The following HSPA9 variants were observed in gnomAD, a reference collection of about 807,000 sequenced individuals.
HSPA9 encodes stress-70 protein, mitochondrial.
In HSPA9, 28 loss-of-function variants were observed where a neutral mutation model predicts 81.5. That is an observed-to-expected ratio of 0.34 (90% CI 0.25 to 0.47). The LOEUF (loss-of-function observed/expected upper bound fraction) is 0.47. HSPA9 is among the 20% of genes least tolerant of loss of function. HSPA9 has a pLI of 1.00. For synonymous variants in HSPA9, 293 were observed against 290.4 expected (o/e 1.01, Z -0.09); for missense variants, 678 against 838.0 (o/e 0.81, Z 2.36).
intron 9 of HSPA9, among the ~76,000 whole-genome samples, chr5:138,562,077 TAC>T (rs1165386228): frequency 1.1e-4 from 17 of 151,788 alleles, no homozygotes; most frequent in Non-Finnish European, 1.9e-4. Context: ...TAGCTGGGAC[TAC>T]AGGCATGTGC....
rs1561860003 is a variant in HSPA9, at chr5:138,566,991, G to T, written c.879+10C>A. On this transcript the variant is annotated intron_variant, in intron 8 of 16. Transcript: ENST00000297185. ...CCAACGTCTACATATTAACCACATT[G>T]GTAACTCACCTCTCTCTTGAACTCC... 6.2e-7 allele frequency: 1 copy of T among 1,611,214 alleles called. No homozygotes were observed. The highest frequency in any genetic ancestry group is 1.1e-5 in the South Asian group (1 of 90,970).
At chr5:138,561,909 T>TG in intron 9 of HSPA9, 120 bp from the exon 10 acceptor site, 1 of 788,896 alleles carries the variant, frequency 1.3e-6, no homozygotes, top group Middle Eastern at 2.7e-4. Context: ...AAAGGGAGGG[T>TG]GAGATCTAAT....
At chr5:138,564,549 C>G (rs1219657230) in intron 9 of HSPA9, among the ~76,000 whole-genome samples, 1 of 152,224 alleles carries the variant, frequency 6.6e-6, no homozygotes, top group Non-Finnish European at 1.5e-5. Flanking sequence ...AGGCACGCAC[C>G]TGTGGTGTAG....
In HSPA9 at chr5:138,560,269, T is replaced by C. The variant is rs142562499; in HGVS notation, c.1183-178A>G. The stretch of plus-strand genomic sequence containing the variant: ...GTTCCTGCTAATGATCTTCTAACAC[T>C]CATACACTTTATACCTATAGAAGTA... On this transcript the variant is annotated intron_variant, in intron 10 of 16. Coordinates refer to ENST00000297185, the MANE Select transcript of HSPA9 (RefSeq NM_004134.7). Among the ~76,000 whole-genome samples the C allele has an allele frequency of 2.2e-3, 342 of 152,332 alleles. 1 individual carries two copies. The highest frequency in any genetic ancestry group is 7.4e-3 in the African/African-American group (306 of 41,568).
chr5:138,563,808 T>C (rs1750707068), intron 9 of HSPA9, among the ~76,000 whole-genome samples: 1 of 152,236 alleles, frequency 6.6e-6, no homozygotes, highest in African/African-American at 2.4e-5. Context: ...AAACCCTCAG[T>C]ATTTTAAGAA....
chr5:138,557,420 T>G lies in HSPA9; in HGVS notation c.1710A>C (p.Glu570Asp). The change falls in exon 14 of 17, where the codon GAA (glutamate) becomes GAC (aspartate). Residue 570 changes from glutamate (E) to aspartate (D), a missense_variant. Physicochemically the swap from Glu to Asp is conservative, Grantham distance 45. This residue lies in a region of HSPA9 where 484 missense variants were observed against 647.5 expected (regional missense o/e 0.75). Coordinates refer to ENST00000297185, the MANE Select transcript of HSPA9 (RefSeq NM_004134.7). ...NMVKNAEKYAEEDRRKKERVE... is the reference protein window; with the variant it reads ...NMVKNAEKYADEDRRKKERVE... Reference sequence around the variant, plus strand: ...TAATCACCTTCTTTCGCCGGTCTTCTTCAGCATATTTCTCTGCATTTTTAA... The same window carrying G: ...TAATCACCTTCTTTCGCCGGTCTTCGTCAGCATATTTCTCTGCATTTTTAA... The G allele has an allele frequency of 6.2e-7, 1 of 1,608,374 alleles. No homozygotes were observed. Among genetic ancestry groups the G allele is most frequent in the Non-Finnish European group, 8.5e-7 (1 of 1,175,300 alleles).
rs142221229 is a variant in HSPA9, at chr5:138,554,119, T to C, written c.*1918A>G. Among the ~76,000 whole-genome samples, 202 of 152,350 alleles carry C rather than the reference T, an allele frequency of 1.3e-3. No homozygotes were observed. Among genetic ancestry groups the C allele is most frequent in the African/African-American group, 4.5e-3 (188 of 41,590 alleles). On this transcript the variant is annotated 3_prime_UTR_variant, in exon 17 of 17. Coordinates refer to ENST00000297185, the MANE Select transcript of HSPA9 (RefSeq NM_004134.7). The stretch of plus-strand genomic sequence containing the variant: ...TCCTATTGGCTGTAGGAAATCTCCA[T>C]ATACCTTCTTGCTATTTATGCTATT...
In HSPA9 at chr5:138,561,721, G is replaced by T; in HGVS notation, c.1041C>A (p.Thr347=). Reference sequence around the variant, plus strand: ...TGACAATCCCTTCAAATTGAGCACGGGTCAACTTCATATTCAAATGCTTGG... The same window carrying T: ...TGACAATCCCTTCAAATTGAGCACGTGTCAACTTCATATTCAAATGCTTGG... The part of the protein sequence containing the change: ...SGPKHLNMKL[T]RAQFEGIVTD... Residue 347 remains threonine (T), a synonymous_variant, in exon 10 of 17, where the codon ACC becomes ACA. Transcript: ENST00000297185. 1 of 1,614,106 alleles carries T rather than the reference G, an allele frequency of 6.2e-7. No individual in the cohort carries two copies. Among genetic ancestry groups the T allele is most frequent in the Non-Finnish European group, 8.5e-7 (1 of 1,179,982 alleles).
At chr5:138,567,794 T>G (rs1750797669) in intron 5 of HSPA9, 72 bp from the exon 6 acceptor site, 2 of 1,130,454 alleles carry the variant, frequency 1.8e-6, no homozygotes, top group African/African-American at 3.1e-5. Flanking sequence ...ACAACCTGTG[T>G]CATCCTTTTG....
chr5:138,568,905 T>C lies in HSPA9; in HGVS notation c.535+20A>G, dbSNP rs769060383. 1.2e-6 allele frequency: 2 copies of C among 1,612,786 alleles called. No homozygotes were observed. Among genetic ancestry groups the C allele is most frequent in the African/African-American group, 1.3e-5 (1 of 74,902 alleles). ...TCATTGTTCTTAGAACTTTCCCAGA[T>C]GTGAACTAAACCCACTCACCTGCAG... On this transcript the variant is annotated intron_variant, in intron 5 of 16. Coordinates refer to ENST00000297185, the MANE Select transcript of HSPA9 (RefSeq NM_004134.7).
chr5:138,574,030 T>C (rs762550599), intron 2 of HSPA9, 38 bp downstream of exon 2: 1 of 1,512,788 alleles, frequency 6.6e-7, no homozygotes, highest in Admixed American at 1.7e-5. Flanking sequence ...TGAAGTTTAA[T>C]ATGTATTCCC....
intron 14 of HSPA9, 103 bp from the exon 15 acceptor site, chr5:138,556,969 A>T: frequency 1.2e-6 from 1 of 838,550 alleles, no homozygotes. Context: ...AGTTACAGAT[A>T]AAAATAGAGT....
At chr5:138,574,175 AG>A in intron 1 of HSPA9, 49 bp from the exon 2 acceptor site, 1 of 1,378,826 alleles carries the variant, frequency 7.3e-7, no homozygotes, top group Non-Finnish European at 1.0e-6. Context: ...GTATCCTGGG[AG>A]GAAAAAGAGA....
At position 138,571,073 on chromosome 5, in the gene HSPA9, T is replaced by G; in HGVS notation, c.297A>C (p.Arg99=). Residue 99 remains arginine (R), a synonymous_variant, in exon 4 of 17, where the codon CGA becomes CGC. Transcript: ENST00000297185. ...GTCGCTTGGCCGGCATTCCAACAAG[T>G]CGCTCACCATCTGCTGTAAAGGCCA... The part of the protein sequence containing the change: ...SVVAFTADGE[R]LVGMPAKRQA... 1 of 1,614,110 alleles carries G rather than the reference T, an allele frequency of 6.2e-7. No individual in the cohort carries two copies.
chr5:138,565,468 A>G (rs1750742401), intron 9 of HSPA9, among the ~76,000 whole-genome samples: 1 of 152,226 alleles, frequency 6.6e-6, no homozygotes. Context: ...GGTGATCAAA[A>G]TAAAGGTGTC....
chr5:138,562,592 G>A (rs547929156), intron 9 of HSPA9, among the ~76,000 whole-genome samples: 2 of 152,172 alleles, frequency 1.3e-5, no homozygotes, highest in East Asian at 3.9e-4. Context: ...CCAGAGATAA[G>A]CACTATAGAA....
In HSPA9 at chr5:138,556,793, T is replaced by A; in HGVS notation, c.1802A>T (p.Asp601Val). ...ACTCACCTCATCAGCAGGTAATTGG[T>A]CCTTGAATTCTTCCATCTTGGTTTC... ...DTETKMEEFKDQLPADECNKL... is the reference protein window; with the variant it reads ...DTETKMEEFKVQLPADECNKL... Residue 601 changes from aspartate to valine, a missense_variant, in exon 15 of 17, where the codon GAC becomes GTC. Physicochemically the swap from Asp to Val is radical, Grantham distance 152. Coordinates refer to ENST00000297185, the MANE Select transcript of HSPA9 (RefSeq NM_004134.7). 1 of 1,613,528 alleles carries A rather than the reference T, an allele frequency of 6.2e-7. No homozygotes were observed. The highest frequency in any genetic ancestry group is 1.1e-5 in the South Asian group (1 of 91,072).
At position 138,559,920 on chromosome 5, in the gene HSPA9, C is replaced by A. The variant is rs1750616207; in HGVS notation, c.1354G>T (p.Gly452Cys). Residue 452 changes from glycine (G) to cysteine (C), a missense_variant, in exon 11 of 17, where the codon GGT (glycine) becomes TGT (cysteine). Gly to Cys is a radical substitution (Grantham distance 159, BLOSUM62 -3). Around this residue, in one of 4 missense-constraint regions of HSPA9, gnomAD observed 484 missense variants for 647.5 expected, o/e 0.75. Transcript: ENST00000297185. Reference sequence around the variant, plus strand: ...CTATTAATAAGTTTGGTAAAGACACCTCCTAGAGTTTCAATACCCAGAGAC... The same window carrying A: ...CTATTAATAAGTTTGGTAAAGACACATCCTAGAGTTTCAATACCCAGAGAC... ...PLSLGIETLG[G>C]VFTKLINRNT... is the part of the protein sequence containing the mutation. The A allele has an allele frequency of 6.2e-7, 1 of 1,613,922 alleles. No individual in the cohort carries two copies. The highest frequency in any genetic ancestry group is 1.3e-5 in the African/African-American group (1 of 74,878).
At chr5:138,558,042 A>T (rs1226269376) in intron 12 of HSPA9, 56 bp from the exon 13 acceptor site, 1 of 1,102,064 alleles carries the variant, frequency 9.1e-7, no homozygotes, top group African/African-American at 1.5e-5. Context: ...CAGTGCTATT[A>T]TTTCCAAATC....
Sources: gnomAD v4.1 joint callset for allele counts (sites outside exome capture counted in the v4.1 genomes callset) on GRCh38, gnomAD v4.1.1 for gene constraint, gnomAD v4.1.1 regional missense constraint, MANE v1.5 for transcripts, NCBI Gene and HGNC (gene_info 2026-07-23, HGNC 2026-07-21) for gene names.